The following CCDC7 variants were observed in gnomAD, a reference collection of about 807,000 sequenced individuals.
CCDC7 encodes the protein coiled-coil domain-containing protein 7.
A neutral mutation model predicts 196.9 loss-of-function variants in CCDC7; 183 were observed. The observed-to-expected ratio is 0.93, with a 90% CI of 0.82 to 1.05. The LOEUF is 1.05. Among genes scored for constraint, CCDC7 ranks in the 50% least tolerant of loss-of-function variants. The pLI is 0.00. For missense variants in CCDC7, 1,540 were observed against 1,482.2 expected (o/e 1.04, Z -0.64); for synonymous variants, 525 against 484.6 (o/e 1.08, Z -1.10).
chr10:32,700,436 T>C (rs1258005947), intron 24 of CCDC7, among the ~76,000 whole-genome samples: 3 of 151,370 alleles, frequency 2.0e-5, no homozygotes, highest in Admixed American at 6.6e-5. Flanking sequence ...GTACCAGTAC[T>C]ATGCTCTTTT....
chr10:32,725,126 G>T (rs932158563), intron 25 of CCDC7, among the ~76,000 whole-genome samples: 1 of 152,014 alleles, frequency 6.6e-6, no homozygotes, highest in African/African-American at 2.4e-5. Context: ...GAAATCATGA[G>T]ATCTCTTGGA....
intron 20 of CCDC7, among the ~76,000 whole-genome samples, chr10:32,639,484 T>G (rs376793242): frequency 7.2e-5 from 11 of 152,358 alleles, no homozygotes; most frequent in African/African-American, 2.4e-4. Context: ...GCTTTTGCCT[T>G]CATTTCGTTA....
intron 29 of CCDC7, among the ~76,000 whole-genome samples, chr10:32,796,340 A>G (rs1193741709): frequency 6.6e-6 from 1 of 152,152 alleles, no homozygotes; most frequent in East Asian, 1.9e-4. Flanking sequence ...TCAATACTCA[A>G]TTATTGTTTA....
intron 25 of CCDC7, among the ~76,000 whole-genome samples, chr10:32,725,735 A>T (rs2083026190): frequency 6.6e-6 from 1 of 152,054 alleles, no homozygotes; most frequent in Admixed American, 6.6e-5. Context: ...GATGGGGGAC[A>T]TCCCAATGTC....
intron 29 of CCDC7, among the ~76,000 whole-genome samples, chr10:32,782,038 T>G (rs2081142158): frequency 6.6e-6 from 1 of 152,154 alleles, no homozygotes; most frequent in African/African-American, 2.4e-5. Context: ...TGAAAAGAAT[T>G]AAGAAAACAG....
chr10:32,743,139 G>A (rs1235111053), intron 28 of CCDC7, among the ~76,000 whole-genome samples: 3 of 152,168 alleles, frequency 2.0e-5, no homozygotes, highest in African/African-American at 7.2e-5. Context: ...GTGCAGGTTT[G>A]TATATGGACA....
chr10:32,511,347 T>G, intron 9 of CCDC7: 1 of 1,603,268 alleles, frequency 6.2e-7, no homozygotes, highest in Non-Finnish European at 8.5e-7. Flanking sequence ...TTGGCAACTT[T>G]TGATGCATTT....
intron 11 of CCDC7, among the ~76,000 whole-genome samples, chr10:32,533,738 C>T (rs2050054836): frequency 6.6e-6 from 1 of 151,996 alleles, no homozygotes; most frequent in African/African-American, 2.4e-5. Context: ...GCCTCCTGGC[C>T]TGTATTATTT....
Position 32,500,938 on chromosome 10 carries a change from T to C in CCDC7, c.872+8941T>C, listed in dbSNP as rs562630344. On this transcript the variant is annotated intron_variant, in intron 9 of 41. Transcript: ENST00000639629. ...GCGCGTGCCTGCAATCCCAGGCACT[T>C]GGCAGGCTGAGGCAGGAGAATCAGG... Among the ~76,000 whole-genome samples, 127 of 152,268 alleles carry C rather than the reference T, an allele frequency of 8.3e-4. 1 individual carries two copies. The East Asian group carries it at 0.02, about 24-fold the overall frequency.
intron 41 of CCDC7, among the ~76,000 whole-genome samples, chr10:32,876,036 G>C (rs2488303): frequency 0.88 from 133,222 of 151,874 alleles, 59,531 homozygotes; most frequent in East Asian, 1. Context: ...TTCTTAGGCC[G>C]CAACCCCAGA....
exon 6 of CCDC7, chr10:32,471,080 C>T (rs1163558370): frequency 6.2e-7 from 1 of 1,602,306 alleles, no homozygotes; most frequent in Non-Finnish European, 8.5e-7. Flanking sequence ...AAAGATCAAA[C>T]TCTTTTACAA....
intron 28 of CCDC7, among the ~76,000 whole-genome samples, chr10:32,744,784 A>C (rs2074431911): frequency 6.6e-6 from 1 of 152,088 alleles, no homozygotes; most frequent in African/African-American, 2.4e-5. Flanking sequence ...CATTCTTTTC[A>C]CAGTGTCTTT....
At chr10:32,878,470 G>A (rs1232911083), downstream of CCDC7, among the ~76,000 whole-genome samples, 1 of 152,092 alleles carries the variant, frequency 6.6e-6, no homozygotes, top group Non-Finnish European at 1.5e-5. Context: ...GGGGTAAAAT[G>A]TAATACTTTT....
rs769815695 is a variant in CCDC7, at chr10:32,544,319, T to A, written c.1134+18T>A. 6 of 1,598,946 alleles carry A rather than the reference T, an allele frequency of 3.8e-6. No individual in the cohort carries two copies. The East Asian group carries it at 9.0e-5, about 24-fold the overall frequency. On this transcript the variant is annotated intron_variant, in intron 13 of 41. Coordinates refer to ENST00000639629, the Ensembl canonical transcript of CCDC7. Reference sequence around the variant, plus strand: ...AAGTACAGGTAACACACCCACTCTCTCTATGCATCAATATTTGATTAATAC... The same window carrying A: ...AAGTACAGGTAACACACCCACTCTCACTATGCATCAATATTTGATTAATAC...
At chr10:32,462,000 G>A (rs1009029235) in intron 3 of CCDC7, among the ~76,000 whole-genome samples, 7 of 151,772 alleles carry the variant, frequency 4.6e-5, no homozygotes, top group East Asian at 3.9e-4. Flanking sequence ...TTGAACTCTC[G>A]ACTTCAGGTG....
At chr10:32,664,291 G>A (rs1486174235) in intron 21 of CCDC7, 130 bp downstream of exon 22, 7 of 357,090 alleles carry the variant, frequency 2.0e-5, no homozygotes, top group African/African-American at 1.1e-4. Context: ...AATAAATTGT[G>A]GAATTTAAAT....
chr10:32,493,607 A>C (rs1037452536), intron 9 of CCDC7, among the ~76,000 whole-genome samples: 2 of 151,900 alleles, frequency 1.3e-5, no homozygotes, highest in African/African-American at 4.8e-5. Context: ...TTTTTGAAGA[A>C]TCTCCATACT....
intron 5 of CCDC7, among the ~76,000 whole-genome samples, chr10:32,470,555 A>G (rs1276008382): frequency 1.3e-5 from 2 of 152,104 alleles, no homozygotes; most frequent in East Asian, 3.9e-4. Flanking sequence ...GATCTATTCC[A>G]AAGGTCTCAA....
chr10:32,822,557 T>C (rs2090436412), intron 31 of CCDC7, among the ~76,000 whole-genome samples: 1 of 152,126 alleles, frequency 6.6e-6, no homozygotes, highest in African/African-American at 2.4e-5. Flanking sequence ...ATAACAATAA[T>C]TATTACATTG....
Sources: allele counts gnomAD v4.1 joint callset (sites outside exome capture counted in the v4.1 genomes callset), GRCh38; gene constraint gnomAD v4.1.1; transcripts MANE v1.5; gene names NCBI Gene and HGNC (gene_info 2026-07-23, HGNC 2026-07-21).